ADGRA3: variants seen among roughly 807,000 people sequenced by gnomAD.
ADGRA3 encodes G-protein coupled receptor 125.
ADGRA3 carries 56 observed loss-of-function variants against 119.8 expected under a neutral mutation model. The ratio of observed to expected loss-of-function variants is 0.47; its 90% CI spans 0.38 to 0.58. The LOEUF is 0.58. Among genes scored for constraint, ADGRA3 ranks in the 20% least tolerant of loss-of-function variants. ADGRA3 has a pLI of 0.00. For missense variants in ADGRA3, 1,516 were observed against 1,649.0 expected, an observed-to-expected ratio of 0.92 and a Z score of 1.40; for synonymous variants, 607 against 623.8, an observed-to-expected ratio of 0.97 and a Z score of 0.40.
intron 10 of ADGRA3, among the ~76,000 whole-genome samples, chr4:22,434,459 ACT>A (rs1218494711): frequency 6.6e-6 from 1 of 151,388 alleles, no homozygotes; most frequent in Admixed American, 6.6e-5. Context: ...GCTACAGAAA[ACT>A]CTTATGGATG....
intron 10 of ADGRA3, among the ~76,000 whole-genome samples, chr4:22,425,169 G>A (rs190951648): frequency 3.3e-5 from 5 of 151,416 alleles, no homozygotes; most frequent in Non-Finnish European, 5.9e-5. Context: ...CTACTGCTAC[G>A]TCCTTGTATG....
chr4:22,472,268 T>C (rs1038822128), intron 2 of ADGRA3, among the ~76,000 whole-genome samples: 3 of 152,196 alleles, frequency 2.0e-5, no homozygotes, highest in Admixed American at 2.0e-4. Flanking sequence ...AGGAATGTAC[T>C]GTCTCACACA....
intron 2 of ADGRA3, among the ~76,000 whole-genome samples, chr4:22,472,523 T>A (rs1717892663): frequency 6.6e-6 from 1 of 152,120 alleles, no homozygotes; most frequent in Non-Finnish European, 1.5e-5. Flanking sequence ...TTAAAAATAT[T>A]CCTGTGTGTT....
chr4:22,467,121 G>A (rs551939222), intron 2 of ADGRA3, among the ~76,000 whole-genome samples: 1 of 152,240 alleles, frequency 6.6e-6, no homozygotes, highest in Admixed American at 6.5e-5. Context: ...CCAAACATAT[G>A]TAAGCATATT....
chr4:22,490,041 T>C (rs1451731630), intron 1 of ADGRA3, among the ~76,000 whole-genome samples: 1 of 152,210 alleles, frequency 6.6e-6, no homozygotes, highest in Non-Finnish European at 1.5e-5. Context: ...TTATCAAAGA[T>C]CTGACATTTT....
intron 16 of ADGRA3, among the ~76,000 whole-genome samples, chr4:22,399,410 C>G (rs1026179431): frequency 4.0e-5 from 6 of 151,576 alleles, no homozygotes; most frequent in Non-Finnish European, 5.9e-5. Flanking sequence ...TATTGGCCTT[C>G]CTTATCTTAA....
chr4:22,470,128 T>C (rs1035450812), intron 2 of ADGRA3, among the ~76,000 whole-genome samples: 4 of 152,170 alleles, frequency 2.6e-5, no homozygotes, highest in African/African-American at 9.7e-5. Context: ...CATATTAAGC[T>C]AACCATCTTT....
chr4:22,468,330 T>C (rs1182322502), intron 2 of ADGRA3, among the ~76,000 whole-genome samples: 1 of 152,116 alleles, frequency 6.6e-6, no homozygotes, highest in East Asian at 1.9e-4. Context: ...GGCCTAGGGG[T>C]AGGATTAACA....
chr4:22,424,674 C>A (rs1560309953), intron 10 of ADGRA3, among the ~76,000 whole-genome samples: 2 of 152,220 alleles, frequency 1.3e-5, no homozygotes, highest in South Asian at 4.1e-4. Flanking sequence ...GGATGTCACA[C>A]AATACCAGAA....
At position 22,413,274 on chromosome 4, in the gene ADGRA3, C is replaced by CT. The variant is rs1715289393; in HGVS notation, c.2139dup (p.Gly714ArgfsTer14). ...ATATGGCACCCATCTGACTTCCAGC[C>CT]TCCTTGTCCGTTCAGCAAATCGAAA... On this transcript the variant is annotated frameshift_variant, in exon 14 of 19. Transcript: ENST00000334304. LOFTEE classifies it high-confidence loss of function. 4.3e-6 allele frequency: 7 copies of CT among 1,614,086 alleles called. No homozygotes were observed. The highest frequency in any genetic ancestry group is 5.1e-6 in the Non-Finnish European group (6 of 1,179,976).
intron 1 of ADGRA3, among the ~76,000 whole-genome samples, chr4:22,498,527 A>C (rs1482194616): frequency 6.6e-6 from 1 of 151,928 alleles, no homozygotes; most frequent in African/African-American, 2.4e-5. Context: ...CTGAGGGAGA[A>C]GAATCACTTG....
At chr4:22,394,668 A>T (rs2108997427) in intron 16 of ADGRA3, 1 of 152,334 alleles carries the variant, frequency 6.6e-6, no homozygotes, top group East Asian at 1.9e-4. Flanking sequence ...GTAGGGCTCT[A>T]AAATACAAAA....
intron 1 of ADGRA3, among the ~76,000 whole-genome samples, chr4:22,497,406 G>C (rs1718872752): frequency 6.6e-6 from 1 of 152,024 alleles, no homozygotes; most frequent in Non-Finnish European, 1.5e-5. Context: ...GGTTCACCTG[G>C]TACTCAGAAA....
chr4:22,400,248 G>A (rs1169947713), intron 16 of ADGRA3, among the ~76,000 whole-genome samples: 1 of 152,106 alleles, frequency 6.6e-6, no homozygotes, highest in East Asian at 1.9e-4. Context: ...CTGCACTCTT[G>A]TGTTCCCTGA....
intron 7 of ADGRA3, among the ~76,000 whole-genome samples, chr4:22,438,804 T>G (rs977746998): frequency 6.6e-6 from 1 of 151,888 alleles, no homozygotes; most frequent in Non-Finnish European, 1.5e-5. Flanking sequence ...GCCTTCAAGA[T>G]CAGCCTGGCG....
chr4:22,405,680 G>A (rs1714889216), intron 14 of ADGRA3, among the ~76,000 whole-genome samples: 1 of 152,116 alleles, frequency 6.6e-6, no homozygotes, highest in African/African-American at 2.4e-5. Flanking sequence ...AAAGGCATGA[G>A]TACCTCTGTC....
chr4:22,442,941 G>A (rs1213306867), intron 6 of ADGRA3, 78 bp from the exon 7 acceptor site: 1 of 1,073,930 alleles, frequency 9.3e-7, no homozygotes, highest in African/African-American at 1.6e-5. Context: ...GAAATTCTAG[G>A]TAAAATAATA....
intron 12 of ADGRA3, among the ~76,000 whole-genome samples, chr4:22,415,115 G>A (rs6821181): frequency 0.21 from 32,029 of 151,894 alleles, 4,766 homozygotes; most frequent in African/African-American, 0.42. Flanking sequence ...TGCTCCTCAA[G>A]CCAGAGTATG....
chr4:22,429,617 G>A (rs1000726157), intron 10 of ADGRA3, among the ~76,000 whole-genome samples: 47 of 151,996 alleles, frequency 3.1e-4, no homozygotes, highest in African/African-American at 1.1e-3. Context: ...AAACGTGCCT[G>A]TTTTGACCTG....
Sources: gnomAD v4.1 joint callset for allele counts (sites outside exome capture counted in the v4.1 genomes callset) on GRCh38, gnomAD v4.1.1 for gene constraint, MANE v1.5 for transcripts, NCBI Gene and HGNC (gene_info 2026-07-23, HGNC 2026-07-21) for gene names.